The following SF3B2 variants were observed in gnomAD, a reference collection of about 807,000 sequenced individuals.
The protein encoded by SF3B2 is SAP 145.
SF3B2 carries 22 observed loss-of-function variants against 116.3 expected under a neutral mutation model. That is an observed-to-expected ratio of 0.19 (90% confidence interval 0.14 to 0.27). SF3B2 has a LOEUF of 0.27. Among genes scored for constraint, SF3B2 ranks in the 10% least tolerant of loss-of-function variants. SF3B2 has a pLI of 1.00. For synonymous variants in SF3B2, 406 were observed against 421.6 expected (o/e 0.96, Z 0.45); for missense variants, 767 against 1,151.4 (o/e 0.67, Z 4.83).
At chr11:66,063,901 G>A (rs1051492991) in intron 19 of SF3B2, among the ~76,000 whole-genome samples, 172 bp downstream of exon 19, 1 of 152,340 alleles carries the variant, frequency 6.6e-6, no homozygotes, top group South Asian at 2.1e-4. Context: ...CTGGTAATCA[G>A]AGAACAAGAT....
chr11:66,055,845 T>C (rs1856984347), intron 5 of SF3B2: 2 of 494,994 alleles, frequency 4.0e-6, no homozygotes, highest in African/African-American at 2.0e-5. Flanking sequence ...ACCAAAAATA[T>C]GTACCAGAGT....
chr11:66,057,080 A>G, intron 6 of SF3B2, 125 bp downstream of exon 6: 1 of 820,548 alleles, frequency 1.2e-6, no homozygotes, highest in Non-Finnish European at 2.1e-6. Flanking sequence ...ATGGTTTTTT[A>G]CACACTGAAC....
Position 66,057,370 on chromosome 11 carries a change from A to G in SF3B2, c.772A>G (p.Arg258Gly). Residue 258 changes from arginine to glycine, a missense_variant, in exon 7 of 22, where the codon AGA becomes GGA. Arg to Gly is a moderately radical substitution (Grantham distance 125, BLOSUM62 -2). Transcript: ENST00000322535. ...CCCACCGCCCCCTGGAGATGAGAAC[A>G]GAGAGGTGAGACTGATGATTTATTC... Reference protein sequence around the residue: ...GPPPPPGDENREMDDPSVGPK... With the variant: ...GPPPPPGDENGEMDDPSVGPK... 7.5e-7 allele frequency: 1 copy of G among 1,339,294 alleles called. No homozygotes were observed. Among genetic ancestry groups the G allele is most frequent in the Non-Finnish European group, 1.1e-6 (1 of 929,408 alleles). 83.0% of individuals were successfully genotyped at this position (1,339,294 alleles called of 1,614,324 possible).
intron 1 of SF3B2, 28 bp from the exon 2 acceptor site, chr11:66,052,645 C>T (rs922726601): frequency 5.0e-6 from 8 of 1,597,282 alleles, no homozygotes; most frequent in South Asian, 2.2e-5. Flanking sequence ...GCTGGCCTGC[C>T]CCATTGATCG....
Position 66,068,671 on chromosome 11 carries a change from C to T in SF3B2, c.2617-3C>T, listed in dbSNP as rs768164719. 4 of 1,613,838 alleles carry T rather than the reference C, an allele frequency of 2.5e-6. No homozygotes were observed. In the Admixed American group the frequency reaches 5.0e-5, roughly 20 times the overall value. On this transcript the variant is annotated splice_polypyrimidine_tract_variant and splice_region_variant and intron_variant, in intron 21 of 21. Transcript: ENST00000322535. ...TAACCTGTGTCTCTTTCTCCCTATACAGCAAAAAAAACGGAAAGCTCAGCC... is the reference window on the plus strand; with the variant it reads ...TAACCTGTGTCTCTTTCTCCCTATATAGCAAAAAAAACGGAAAGCTCAGCC...
At chr11:66,063,242 TTTCCTGAGATGTTAATGTA>T in intron 17 of SF3B2, 126 bp downstream of exon 17, 1 of 1,000,668 alleles carries the variant, frequency 1.0e-6, no homozygotes, top group Admixed American at 2.6e-5. Context: ...GGGCATACAT[TTTCCTGAGATGTTAATGTA>T]AGCTCCTCAC....
At chr11:66,057,491 T>G in intron 7 of SF3B2, 116 bp downstream of exon 7, 1 of 654,478 alleles carries the variant, frequency 1.5e-6, no homozygotes, top group Non-Finnish European at 2.8e-6. Context: ...TTCCTGGGGG[T>G]AGTGGGGAGC....
chr11:66,060,786 G>C lies in SF3B2; in HGVS notation c.1779+55G>C, dbSNP rs961662580. On this transcript the variant is annotated intron_variant, in intron 14 of 21. Transcript: ENST00000322535. ...TGGGCCTTGGGGTTGAGACTGTCTA[G>C]GGCTTTTTTTTGTTTGTTTGTTTGT... 2.6e-6 allele frequency: 4 copies of C among 1,563,444 alleles called. No individual in the cohort carries two copies. The African/African-American group carries it at 4.1e-5, about 16-fold the overall frequency.
Position 66,057,432 on chromosome 11 carries a change from T to C in SF3B2, c.777+57T>C. ...AGAGTGGTAGTTTAGGATGGGACTATTTTTGGATTTTTAGAGAAAGGTTCT... is the reference window on the plus strand; with the variant it reads ...AGAGTGGTAGTTTAGGATGGGACTACTTTTGGATTTTTAGAGAAAGGTTCT... On this transcript the variant is annotated intron_variant, in intron 7 of 21. Transcript: ENST00000322535. The C allele has an allele frequency of 5.8e-6, 5 of 865,898 alleles. No homozygotes were observed. The South Asian group carries it at 7.2e-5, about 12-fold the overall frequency. 53.6% of individuals were successfully genotyped at this position (865,898 alleles called of 1,614,324 possible). A position where few individuals can be genotyped will look rare whatever the true frequency, so the allele number is the denominator to read the frequency against.
rs760653411 is a variant in SF3B2, at chr11:66,063,586, G to A, written c.2229-42G>A. On this transcript the variant is annotated intron_variant, in intron 18 of 21. Coordinates refer to ENST00000322535, the MANE Select transcript of SF3B2 (RefSeq NM_006842.3). ...GCCTCTTGGAAGTGGGCTATCTTTG[G>A]GGTCCTTCTCTTTACTCCAGAGCTT... 6 of 1,610,616 alleles carry A rather than the reference G, an allele frequency of 3.7e-6. No homozygotes were observed. In the Admixed American group the frequency reaches 6.7e-5, roughly 18 times the overall value.
intron 19 of SF3B2, chr11:66,064,856 C>T (rs1481523264): frequency 6.6e-6 from 1 of 152,068 alleles, no homozygotes; most frequent in African/African-American, 2.4e-5. Flanking sequence ...TGTGGGTCTG[C>T]TGGTTTTGAA....
chr11:66,053,286 G>A, intron 3 of SF3B2, 182 bp downstream of exon 3: 1 of 635,940 alleles, frequency 1.6e-6, no homozygotes, highest in East Asian at 2.7e-5. Flanking sequence ...CTCACTTGCA[G>A]TTGTTGGGCA....
Position 66,058,879 on chromosome 11 carries a change from T to G in SF3B2, c.1016T>G (p.Val339Gly). ...AAGAAGAAGAAAAAGCCCCAGCGGG[T>G]GCGAGGGGTGTCCTCTGAGAGCTCT... ...NRKKKKKPQR[V>G]RGVSSESSGD... The change falls in exon 10 of 22, where the codon GTG becomes GGG. Residue 339 changes from valine (V) to glycine (G), a missense_variant. Transcript: ENST00000322535. 1 of 1,613,498 alleles carries G rather than the reference T, an allele frequency of 6.2e-7. No individual in the cohort carries two copies. The highest frequency in any genetic ancestry group is 8.5e-7 in the Non-Finnish European group (1 of 1,179,986).
Position 66,057,053 on chromosome 11 carries a change from A to T in SF3B2, c.667+98A>T. The T allele has an allele frequency of 9.8e-6, 9 of 918,826 alleles. No individual in the cohort carries two copies. In the South Asian group the frequency reaches 1.2e-4, roughly 13 times the overall value. The allele number at this position is 918,826 out of a possible 1,614,324, so 56.9% of individuals were successfully genotyped here. On this transcript the variant is annotated intron_variant, in intron 6 of 21. Coordinates refer to ENST00000322535, the MANE Select transcript of SF3B2 (RefSeq NM_006842.3). ...TATCACATTTAAAAAGGGCATATAT[A>T]GTAAATATATAGTTTAATGGTTTTT...
At chr11:66,056,399 C>CAAAAAAAAAAA (rs34575917) in intron 5 of SF3B2, among the ~76,000 whole-genome samples, 2 of 52,178 alleles carry the variant, frequency 3.8e-5, no homozygotes, top group Admixed American at 4.3e-4. Context: ...GACTCTGTCT[C>CAAAAAAAAAAA]AAAAAAAAAA....
At position 66,059,495 on chromosome 11, in the gene SF3B2, G is replaced by A. The variant is rs1205558519; in HGVS notation, c.1321-20G>A. 2 of 1,613,792 alleles carry A rather than the reference G, an allele frequency of 1.2e-6. No homozygotes were observed. The highest frequency in any genetic ancestry group is 2.7e-5 in the African/African-American group (2 of 74,876). On this transcript the variant is annotated intron_variant, in intron 11 of 21. Coordinates refer to ENST00000322535, the MANE Select transcript of SF3B2 (RefSeq NM_006842.3). The surrounding 1 kb of genome is among the most constrained non-coding windows in gnomAD (Gnocchi z 5.0). ...TTCACATCTGAGTCCTGCTTAAAAG[G>A]GCTGATTGTTCTGTTCTAGGAAAAG... is the stretch of plus-strand genomic sequence containing the variant.
intron 19 of SF3B2, chr11:66,065,191 C>G (rs570750000): frequency 3.9e-5 from 6 of 152,298 alleles, no homozygotes; most frequent in Non-Finnish European, 5.9e-5. Flanking sequence ...AGGCTGGTCT[C>G]GAGCTCCTGG....
chr11:66,059,709 C>T lies in SF3B2; in HGVS notation c.1402-73C>T. On this transcript the variant is annotated intron_variant, in intron 12 of 21. Coordinates refer to ENST00000322535, the MANE Select transcript of SF3B2 (RefSeq NM_006842.3). The surrounding 1 kb of genome is among the most constrained non-coding windows in gnomAD (Gnocchi z 5.0). Reference sequence around the variant, plus strand: ...AGGTGTGGGTGATTTGGGTTTGGGTCCTTTGAGGAAGAAGAGCTTCAGAAC... The same window carrying T: ...AGGTGTGGGTGATTTGGGTTTGGGTTCTTTGAGGAAGAAGAGCTTCAGAAC... 3.1e-6 allele frequency: 5 copies of T among 1,597,074 alleles called. No individual in the cohort carries two copies. The highest frequency in any genetic ancestry group is 4.3e-6 in the Non-Finnish European group (5 of 1,165,106).
chr11:66,069,262 C>G lies in SF3B2; in HGVS notation c.*517C>G. On this transcript the variant is annotated 3_prime_UTR_variant, in exon 22 of 22. Transcript: ENST00000322535. ...GACCTTGTGACCAGAAGTTCAAGTC[C>G]TTACCTGTGCGACAACATAGCTCAA... 1 of 409,188 alleles carries G rather than the reference C, an allele frequency of 2.4e-6. No individual in the cohort carries two copies. Among genetic ancestry groups the G allele is most frequent in the Non-Finnish European group, 5.1e-6 (1 of 197,042 alleles). The allele number at this position is 409,188 out of a possible 1,614,324, so 25.3% of individuals were successfully genotyped here.
Sources: allele counts gnomAD v4.1 joint callset (sites outside exome capture counted in the v4.1 genomes callset), GRCh38; gene constraint gnomAD v4.1.1; non-coding constraint Gnocchi (gnomAD v3.1); transcripts MANE v1.5; gene names NCBI Gene and HGNC (gene_info 2026-07-23, HGNC 2026-07-21).